The following RAD51B variants were observed in gnomAD, a reference collection of about 807,000 sequenced individuals.
The protein encoded by RAD51B is RAD51 paralog B, also known as DNA repair protein RAD51 homolog 2.
A neutral mutation model predicts 42.2 loss-of-function variants in RAD51B; 38 were observed. The observed-to-expected ratio is 0.90, with a 90% CI of 0.70 to 1.18. The LOEUF is 1.18. Among genes scored for constraint, RAD51B ranks in the 50% most tolerant of loss-of-function variants. RAD51B has a pLI of 0.00. For missense variants in RAD51B, 373 were observed against 400.7 expected (o/e 0.93, Z 0.59); for synonymous variants, 154 against 145.2 (o/e 1.06, Z -0.43).
chr14:68,256,767 C>G (rs3784095), intron 7 of RAD51B, among the ~76,000 whole-genome samples: 30,318 of 152,062 alleles, frequency 0.2, 3,801 homozygotes, highest in Admixed American at 0.29. Context: ...TTGCCCCTAA[C>G]CTTCTACAGT....
At chr14:68,034,903 A>T (rs1396542832) in intron 7 of RAD51B, among the ~76,000 whole-genome samples, 1 of 152,138 alleles carries the variant, frequency 6.6e-6, no homozygotes, top group African/African-American at 2.4e-5. Flanking sequence ...CAAATTGTGC[A>T]CATTTATCAC....
At chr14:68,674,162 TAC>T (rs1275803973) in intron 11 of RAD51B, among the ~76,000 whole-genome samples, 1 of 138,312 alleles carries the variant, frequency 7.2e-6, no homozygotes, top group Non-Finnish European at 1.5e-5. Context: ...CACACATATA[TAC>T]ACACATACTG....
At chr14:68,127,366 T>TA (rs2077785044) in intron 7 of RAD51B, among the ~76,000 whole-genome samples, 2 of 152,194 alleles carry the variant, frequency 1.3e-5, no homozygotes, top group South Asian at 4.1e-4. Context: ...TTTGTTTATA[T>TA]AGCTGTCTCT....
intron 10 of RAD51B, among the ~76,000 whole-genome samples, chr14:68,617,115 G>A (rs1309800185): frequency 6.6e-6 from 1 of 151,958 alleles, no homozygotes; most frequent in Non-Finnish European, 1.5e-5. Flanking sequence ...TCTGCTACCT[G>A]GTGAGTCTAG....
At chr14:68,604,754 A>G (rs1891374773) in intron 10 of RAD51B, among the ~76,000 whole-genome samples, 1 of 152,168 alleles carries the variant, frequency 6.6e-6, no homozygotes, top group Admixed American at 6.5e-5. Flanking sequence ...GCTCAGGCTC[A>G]CTGAGGACAG....
chr14:68,371,122 A>G (rs1247455586), intron 8 of RAD51B, among the ~76,000 whole-genome samples: 1 of 151,986 alleles, frequency 6.6e-6, no homozygotes, highest in Non-Finnish European at 1.5e-5. Context: ...ACAACTGAGA[A>G]TGGTGTCATT....
chr14:67,911,727 G>C (rs2043986971), intron 7 of RAD51B, among the ~76,000 whole-genome samples: 1 of 152,080 alleles, frequency 6.6e-6, no homozygotes, highest in African/African-American at 2.4e-5. Flanking sequence ...TTTTTGGCAA[G>C]TCAGGAGATG....
chr14:67,837,638 G>GT (rs1218017371), intron 4 of RAD51B, among the ~76,000 whole-genome samples: 6 of 151,556 alleles, frequency 4.0e-5, no homozygotes, highest in Middle Eastern at 3.4e-3. Context: ...CTCAAACAGA[G>GT]TTTTTTTTGC....
At chr14:68,259,365 T>C (rs1358635919) in intron 7 of RAD51B, among the ~76,000 whole-genome samples, 3 of 151,870 alleles carry the variant, frequency 2.0e-5, no homozygotes, top group Non-Finnish European at 4.4e-5. Flanking sequence ...GAGGAGTTAA[T>C]GGGTGCAGCA....
At chr14:68,620,261 AG>A (rs1200351071) in intron 10 of RAD51B, among the ~76,000 whole-genome samples, 1 of 152,224 alleles carries the variant, frequency 6.6e-6, no homozygotes, top group Non-Finnish European at 1.5e-5. Context: ...GGATCTACCC[AG>A]GAGTCCAGAG....
At chr14:68,017,578 A>G (rs1316390978) in intron 7 of RAD51B, among the ~76,000 whole-genome samples, 2 of 152,176 alleles carry the variant, frequency 1.3e-5, no homozygotes, top group African/African-American at 4.8e-5. Context: ...TTTAGAGATC[A>G]ATGCTGAGTT....
chr14:67,989,197 T>C (rs11850142), intron 7 of RAD51B, among the ~76,000 whole-genome samples: 6,927 of 152,302 alleles, frequency 0.045, 568 homozygotes, highest in African/African-American at 0.16. Flanking sequence ...TTCAAGATTT[T>C]AATTCTGAAA....
At chr14:68,563,928 A>G in intron 10 of RAD51B, 1 of 984,048 alleles carries the variant, frequency 1.0e-6, no homozygotes, top group Non-Finnish European at 1.2e-6. Flanking sequence ...ATTAAAAATA[A>G]TATTGGCCCT....
At chr14:68,099,113 C>A (rs937854678) in intron 7 of RAD51B, among the ~76,000 whole-genome samples, 2 of 152,156 alleles carry the variant, frequency 1.3e-5, no homozygotes, top group African/African-American at 4.8e-5. Flanking sequence ...AGTTGAAAAA[C>A]CCTAACTTGG....
At chr14:68,545,935 C>G (rs1385956090) in intron 10 of RAD51B, among the ~76,000 whole-genome samples, 1 of 152,112 alleles carries the variant, frequency 6.6e-6, no homozygotes, top group Non-Finnish European at 1.5e-5. Context: ...CAGATACCTG[C>G]CCCACCCCAT....
At chr14:68,373,297 A>C (rs903605941) in intron 8 of RAD51B, among the ~76,000 whole-genome samples, 1 of 152,214 alleles carries the variant, frequency 6.6e-6, no homozygotes, top group Non-Finnish European at 1.5e-5. Context: ...AGATGAAAAC[A>C]TAGAGGCCAG....
intron 7 of RAD51B, among the ~76,000 whole-genome samples, chr14:68,172,062 G>T (rs112324999): frequency 1.3e-5 from 2 of 152,166 alleles, no homozygotes; most frequent in African/African-American, 4.8e-5. Flanking sequence ...CAACACCTCT[G>T]TATCATAGCC....
At chr14:68,130,377 G>A (rs2077862282) in intron 7 of RAD51B, among the ~76,000 whole-genome samples, 1 of 152,176 alleles carries the variant, frequency 6.6e-6, no homozygotes, top group Non-Finnish European at 1.5e-5. Context: ...TAAAGATTGG[G>A]TTTTGAAACT....
At chr14:67,897,889 T>G (rs1275337396) in intron 7 of RAD51B, among the ~76,000 whole-genome samples, 1 of 152,162 alleles carries the variant, frequency 6.6e-6, no homozygotes, top group Non-Finnish European at 1.5e-5. Context: ...TGACCTCAGG[T>G]GATCCATCCA....
Sources: allele counts gnomAD v4.1 joint callset (sites outside exome capture counted in the v4.1 genomes callset), GRCh38; gene constraint gnomAD v4.1.1; transcripts MANE v1.5; gene names NCBI Gene and HGNC (gene_info 2026-07-23, HGNC 2026-07-21).